GNAQ: variants seen among roughly 807,000 people sequenced by gnomAD.
The protein encoded by GNAQ is G protein subunit alpha q.
Under a neutral mutation model 43.9 loss-of-function variants are expected in GNAQ, and 8 were observed. The observed-to-expected ratio is 0.18, with a 90% CI of 0.11 to 0.33. The LOEUF is 0.33. Ranked by LOEUF, GNAQ falls within the 10% of genes least tolerant of loss-of-function variation. The pLI, the probability that GNAQ is intolerant of heterozygous loss-of-function variation, is 1.00. For synonymous variants in GNAQ, 155 were observed against 170.7 expected (o/e 0.91, Z 0.71); for missense variants, 158 against 450.8 (o/e 0.35, Z 5.88).
chr9:77,856,256 T>C (rs1157933845), intron 2 of GNAQ, among the ~76,000 whole-genome samples: 1 of 152,170 alleles, frequency 6.6e-6, no homozygotes, highest in African/African-American at 2.4e-5. Context: ...CTCCATCTTG[T>C]GATTTCAGAC....
chr9:77,739,590 T>C (rs949759261), intron 5 of GNAQ, among the ~76,000 whole-genome samples: 29 of 152,234 alleles, frequency 1.9e-4, no homozygotes, highest in African/African-American at 6.3e-4. Flanking sequence ...AGTTCTACTT[T>C]TACAAAAATC....
intron 2 of GNAQ, among the ~76,000 whole-genome samples, chr9:77,859,364 G>T (rs11145592): frequency 0.53 from 81,127 of 152,060 alleles, 25,012 homozygotes; most frequent in Non-Finnish European, 0.69. Flanking sequence ...ACTACAGAAG[G>T]AGATAGATGT....
At chr9:77,737,938 TATAAC>T (rs774661393) in intron 5 of GNAQ, among the ~76,000 whole-genome samples, 37 of 152,308 alleles carry the variant, frequency 2.4e-4, no homozygotes, top group Middle Eastern at 3.4e-3. Context: ...CAAATGAACT[TATAAC>T]AGACAACACA....
chr9:77,923,772 G>A (rs1829030517), intron 1 of GNAQ, among the ~76,000 whole-genome samples: 1 of 150,644 alleles, frequency 6.6e-6, no homozygotes. Flanking sequence ...GAAAAAGAAA[G>A]AAAGAAAGGG....
At chr9:77,948,611 A>G (rs1182018941) in intron 1 of GNAQ, among the ~76,000 whole-genome samples, 1 of 152,208 alleles carries the variant, frequency 6.6e-6, no homozygotes, top group Non-Finnish European at 1.5e-5. Flanking sequence ...GGCAGAGCAC[A>G]GCAGAAAGAA....
intron 5 of GNAQ, among the ~76,000 whole-genome samples, chr9:77,775,659 A>G (rs921025218): frequency 1.3e-5 from 2 of 151,782 alleles, no homozygotes; most frequent in African/African-American, 4.8e-5. Context: ...CGGCCTCCCA[A>G]AGTGCTGGGA....
intron 1 of GNAQ, among the ~76,000 whole-genome samples, chr9:78,007,330 T>C (rs1823719437): frequency 6.7e-6 from 1 of 148,616 alleles, no homozygotes; most frequent in African/African-American, 2.5e-5. Context: ...TTGACTAAAA[T>C]ATTTAGTTTT....
At chr9:77,874,993 G>A (rs1003426559) in intron 2 of GNAQ, among the ~76,000 whole-genome samples, 1 of 151,884 alleles carries the variant, frequency 6.6e-6, no homozygotes, top group Non-Finnish European at 1.5e-5. Flanking sequence ...TGGGGTTGGT[G>A]ATGAGACAGT....
At chr9:77,794,862 G>A (rs996598292) in intron 4 of GNAQ, among the ~76,000 whole-genome samples, 1 of 152,094 alleles carries the variant, frequency 6.6e-6, no homozygotes, top group African/African-American at 2.4e-5. Context: ...ATCCTTATCT[G>A]TGCCAAGCAA....
At chr9:77,835,996 T>C (rs1360260877) in intron 2 of GNAQ, among the ~76,000 whole-genome samples, 2 of 152,116 alleles carry the variant, frequency 1.3e-5, no homozygotes, top group East Asian at 3.8e-4. Context: ...TTTTAAGATA[T>C]TGAGAAAAAC....
intron 1 of GNAQ, among the ~76,000 whole-genome samples, chr9:77,927,111 T>TC (rs958497165): frequency 2.4e-4 from 36 of 152,080 alleles, no homozygotes; most frequent in African/African-American, 8.2e-4. Flanking sequence ...GGCCTTTTCT[T>TC]CCCCCCAAGA....
At chr9:78,002,145 T>C (rs1443290217) in intron 1 of GNAQ, among the ~76,000 whole-genome samples, 1 of 152,200 alleles carries the variant, frequency 6.6e-6, no homozygotes, top group Non-Finnish European at 1.5e-5. Flanking sequence ...CCACATAATA[T>C]TATTCAGTTA....
chr9:77,786,705 T>C (rs1220132275), intron 5 of GNAQ, among the ~76,000 whole-genome samples: 1 of 152,162 alleles, frequency 6.6e-6, no homozygotes, highest in Admixed American at 6.5e-5. Context: ...AGATGTGAAA[T>C]GAGAGGAACT....
intron 1 of GNAQ, among the ~76,000 whole-genome samples, chr9:77,964,505 C>G (rs1249522598): frequency 2.6e-5 from 4 of 152,112 alleles, no homozygotes; most frequent in Non-Finnish European, 5.9e-5. Flanking sequence ...TCAAGTGCAC[C>G]TGAAGCATTT....
At chr9:77,983,234 A>T (rs1389710118) in intron 1 of GNAQ, among the ~76,000 whole-genome samples, 1 of 152,216 alleles carries the variant, frequency 6.6e-6, no homozygotes, top group Non-Finnish European at 1.5e-5. Flanking sequence ...ACATTTACAT[A>T]GTATGTATCT....
intron 1 of GNAQ, among the ~76,000 whole-genome samples, chr9:77,979,594 C>T (rs2118489855): frequency 6.6e-6 from 1 of 152,164 alleles, no homozygotes; most frequent in African/African-American, 2.4e-5. Flanking sequence ...TAAAAAGAAC[C>T]TCTGAGGTCC....
chr9:77,884,937 G>A (rs1023973890), intron 2 of GNAQ, among the ~76,000 whole-genome samples: 11 of 152,140 alleles, frequency 7.2e-5, no homozygotes, highest in African/African-American at 2.7e-4. Flanking sequence ...TGATCTTGCG[G>A]AAATACACCC....
chr9:78,024,931 G>C (rs1382196677), intron 1 of GNAQ, among the ~76,000 whole-genome samples: 2 of 152,054 alleles, frequency 1.3e-5, no homozygotes, highest in East Asian at 1.9e-4. Flanking sequence ...TGATTTTTAA[G>C]TAATACTAAT....
At chr9:77,731,902 A>G (rs1825496472) in intron 5 of GNAQ, among the ~76,000 whole-genome samples, 1 of 152,102 alleles carries the variant, frequency 6.6e-6, no homozygotes, top group South Asian at 2.1e-4. Context: ...CCCCCCAATT[A>G]AGATTCTTTA....
Sources: gnomAD v4.1 joint callset for allele counts (sites outside exome capture counted in the v4.1 genomes callset) on GRCh38, gnomAD v4.1.1 for gene constraint, MANE v1.5 for transcripts, NCBI Gene and HGNC (gene_info 2026-07-23, HGNC 2026-07-21) for gene names.